PRIM2: variants seen among roughly 807,000 people sequenced by gnomAD.
PRIM2 encodes DNA primase subunit 2, also known as DNA primase large subunit.
PRIM2 carries 39 observed loss-of-function variants against 67.3 expected under a neutral mutation model. The ratio of observed to expected loss-of-function variants is 0.58; its 90% confidence interval spans 0.45 to 0.76. PRIM2 has a LOEUF of 0.76. PRIM2 is among the 30% of genes least tolerant of loss of function. The pLI is 0.00. For synonymous variants in PRIM2, 143 were observed against 198.7 expected, an observed-to-expected ratio of 0.72 and a Z score of 2.36; for missense variants, 398 against 598.7, an observed-to-expected ratio of 0.66 and a Z score of 3.50.
At chr6:57,285,153 A>G in the PRIM2 span, among the ~76,000 whole-genome samples, 1 of 152,318 alleles carries the variant, frequency 6.6e-6, no homozygotes. Flanking sequence ...TGAAGAAAAA[A>G]GTCCAGGACT....
At chr6:57,436,144 C>T (rs1247952140) in intron 7 of PRIM2, among the ~76,000 whole-genome samples, 1 of 152,128 alleles carries the variant, frequency 6.6e-6, no homozygotes, top group Non-Finnish European at 1.5e-5. Context: ...ATTCCCTCCT[C>T]TTGTGTTTTA....
In PRIM2 at chr6:57,581,259, C is replaced by T. The variant is rs1353578191; in HGVS notation, c.1021-19834C>T. Reference sequence around the variant, plus strand: ...TGGGACTAGCAAATTCTACATCACTCGGCGTACTCCTGTGGTTTTCTGGTG... The same window carrying T: ...TGGGACTAGCAAATTCTACATCACTTGGCGTACTCCTGTGGTTTTCTGGTG... On this transcript the variant is annotated intron_variant, in intron 10 of 13. Coordinates refer to ENST00000615550, the MANE Select transcript of PRIM2 (RefSeq NM_000947.5). Among the ~76,000 whole-genome samples, 207 of 152,136 alleles carry T rather than the reference C, an allele frequency of 1.4e-3. 2 individuals are homozygous for T. The highest frequency in any genetic ancestry group is 3.6e-3 in the African/African-American group (150 of 41,506).
the PRIM2 span, among the ~76,000 whole-genome samples, chr6:57,249,563 G>A: frequency 6.6e-6 from 1 of 151,886 alleles, no homozygotes; most frequent in African/African-American, 2.4e-5. Flanking sequence ...CCAACATGGT[G>A]AAACCCCTTC....
intron 7 of PRIM2, among the ~76,000 whole-genome samples, chr6:57,496,599 T>C (rs1195658635): frequency 7.9e-5 from 12 of 152,188 alleles, no homozygotes; most frequent in Non-Finnish European, 1.3e-4. Flanking sequence ...AAGGAACAGT[T>C]TTGGTTCTGG....
intron 7 of PRIM2, among the ~76,000 whole-genome samples, chr6:57,463,705 C>T (rs1773088174): frequency 6.6e-6 from 1 of 152,136 alleles, no homozygotes; most frequent in African/African-American, 2.4e-5. Context: ...CACTGAAACA[C>T]ATGGGAGTAC....
intron 10 of PRIM2, among the ~76,000 whole-genome samples, chr6:57,543,569 A>T (rs1435679111): frequency 2.0e-5 from 3 of 152,218 alleles, no homozygotes; most frequent in African/African-American, 7.2e-5. Flanking sequence ...AGAGACTGGT[A>T]TAATATCTCC....
At chr6:57,491,445 C>A (rs1399286785) in intron 7 of PRIM2, among the ~76,000 whole-genome samples, 1 of 152,064 alleles carries the variant, frequency 6.6e-6, no homozygotes, top group South Asian at 2.1e-4. Flanking sequence ...TGATACATAA[C>A]CTTGTAATTT....
At chr6:57,239,392 A>AT in the PRIM2 span, among the ~76,000 whole-genome samples, 1 of 151,764 alleles carries the variant, frequency 6.6e-6, no homozygotes, top group African/African-American at 2.4e-5. Flanking sequence ...CTTTCCTGGC[A>AT]TTTTTTTCTC....
intron 7 of PRIM2, among the ~76,000 whole-genome samples, chr6:57,467,188 A>T (rs1238554720): frequency 1.5e-4 from 22 of 151,230 alleles, no homozygotes; most frequent in African/African-American, 5.3e-4. Flanking sequence ...TCAGTCATGA[A>T]GTCTTTGCCC....
At chr6:57,598,632 A>G (rs1346987798) in intron 10 of PRIM2, among the ~76,000 whole-genome samples, 2 of 152,210 alleles carry the variant, frequency 1.3e-5, no homozygotes, top group African/African-American at 4.8e-5. Context: ...CACATCTGCA[A>G]TCCCAGGGCT....
intron 7 of PRIM2, among the ~76,000 whole-genome samples, chr6:57,454,929 A>G (rs1484339118): frequency 6.6e-6 from 1 of 152,140 alleles, no homozygotes; most frequent in Non-Finnish European, 1.5e-5. Flanking sequence ...ATTTAGTGCT[A>G]TAAATTTCCC....
chr6:57,341,803 C>T (rs1768501513), intron 5 of PRIM2, among the ~76,000 whole-genome samples: 1 of 152,200 alleles, frequency 6.6e-6, no homozygotes, highest in Admixed American at 6.5e-5. Context: ...TCAGGTGCTG[C>T]TGCATAAGTT....
chr6:57,456,701 C>G lies in PRIM2; in HGVS notation c.694-50686C>G, dbSNP rs1414720063. 4.0e-5 allele frequency among the ~76,000 whole-genome samples: 6 copies of G among 151,068 alleles called. No individual in the cohort carries two copies. The East Asian group carries it at 7.8e-4, about 20-fold the overall frequency. On this transcript the variant is annotated intron_variant, in intron 7 of 13. Transcript: ENST00000615550. Reference sequence around the variant, plus strand: ...TAGCCATTCGTCTAGTTTTTTTTTTCAAGGTTTTTAACTTCTTTGCCATGG... The same window carrying G: ...TAGCCATTCGTCTAGTTTTTTTTTTGAAGGTTTTTAACTTCTTTGCCATGG...
chr6:57,548,461 G>A (rs1162270336), intron 10 of PRIM2, among the ~76,000 whole-genome samples: 4 of 152,162 alleles, frequency 2.6e-5, no homozygotes, highest in African/African-American at 7.2e-5. Flanking sequence ...TAAAACTCAT[G>A]GAAATGGAGG....
intron 7 of PRIM2, among the ~76,000 whole-genome samples, chr6:57,427,636 C>A (rs1290402710): frequency 6.6e-6 from 1 of 152,176 alleles, no homozygotes; most frequent in East Asian, 1.9e-4. Flanking sequence ...CAATTATTAA[C>A]AGCATCACAT....
Position 57,349,792 on chromosome 6 carries a change from A to T in PRIM2, c.459+23747A>T, listed in dbSNP as rs1203369736. ...TCTTTTTTAACACTTTTCTCTTTTT[A>T]AAAAAAGATATTGTTTGCCTTGCTA... On this transcript the variant is annotated intron_variant, in intron 5 of 13. Transcript: ENST00000615550. Among the ~76,000 whole-genome samples the T allele has an allele frequency of 7.9e-5, 12 of 152,122 alleles. No homozygotes were observed. The South Asian group carries it at 8.3e-4, about 11-fold the overall frequency.
chr6:57,480,456 C>A (rs1420200693), intron 7 of PRIM2, among the ~76,000 whole-genome samples: 3 of 152,076 alleles, frequency 2.0e-5, no homozygotes, highest in African/African-American at 7.2e-5. Context: ...ATTTAGTCTT[C>A]ATCAGTTTCA....
intron 7 of PRIM2, among the ~76,000 whole-genome samples, chr6:57,491,026 A>G (rs1773876735): frequency 6.6e-6 from 1 of 152,234 alleles, no homozygotes; most frequent in Non-Finnish European, 1.5e-5. Flanking sequence ...AAAATATTCA[A>G]ATAAATAATG....
At chr6:57,244,990 G>T in the PRIM2 span, among the ~76,000 whole-genome samples, 3 of 152,204 alleles carry the variant, frequency 2.0e-5, no homozygotes, top group Non-Finnish European at 4.4e-5. Flanking sequence ...TGATATGTGT[G>T]CAGATGCCTC....
Sources: gnomAD v4.1 joint callset for allele counts (sites outside exome capture counted in the v4.1 genomes callset) on GRCh38, gnomAD v4.1.1 for gene constraint, MANE v1.5 for transcripts, NCBI Gene and HGNC (gene_info 2026-07-23, HGNC 2026-07-21) for gene names.